GPR158: variants seen among roughly 807,000 people sequenced by gnomAD.
GPR158 encodes the protein metabotropic glycine receptor.
A neutral mutation model predicts 78.2 loss-of-function variants in GPR158; 30 were observed. That is an observed-to-expected ratio of 0.38 (90% CI 0.29 to 0.52). The LOEUF (loss-of-function observed/expected upper bound fraction) is 0.52, where lower values mean the gene tolerates loss of function less well. Among genes scored for constraint, GPR158 ranks in the 20% least tolerant of loss-of-function variants. The pLI, the probability that GPR158 is intolerant of heterozygous loss-of-function variation, is 0.83. For missense variants in GPR158, 1,463 were observed against 1,523.5 expected (o/e 0.96, Z 0.66); for synonymous variants, 581 against 591.1 (o/e 0.98, Z 0.25).
intron 2 of GPR158, among the ~76,000 whole-genome samples, chr10:25,268,748 A>G (rs1854075869): frequency 6.6e-6 from 1 of 152,168 alleles, no homozygotes; most frequent in East Asian, 1.9e-4. Flanking sequence ...TAGAGTAATC[A>G]TGCAGTAACC....
chr10:25,469,928 C>T (rs1279626662), intron 5 of GPR158, among the ~76,000 whole-genome samples: 2 of 151,558 alleles, frequency 1.3e-5, no homozygotes, highest in South Asian at 2.1e-4. Flanking sequence ...TTCTTCCATG[C>T]TAGCCGCCTA....
intron 1 of GPR158, among the ~76,000 whole-genome samples, chr10:25,203,466 A>C (rs1035500809): frequency 3.3e-5 from 5 of 152,004 alleles, no homozygotes; most frequent in Non-Finnish European, 7.3e-5. Flanking sequence ...TCAGCTTTCT[A>C]CATATGGCTA....
intron 2 of GPR158, among the ~76,000 whole-genome samples, chr10:25,261,522 T>C (rs11014475): frequency 0.033 from 4,972 of 152,246 alleles, 283 homozygotes; most frequent in African/African-American, 0.11. Flanking sequence ...GAGAAATTTT[T>C]AGTGCAAAGT....
In GPR158 at chr10:25,188,536, G is replaced by T. The variant is rs557078592; in HGVS notation, c.902+12214G>T. Reference sequence around the variant, plus strand: ...TGACAAAAACAACAAATGGGTAAAGGATTCCCTATTTATTAAATGGTGCTG... The same window carrying T: ...TGACAAAAACAACAAATGGGTAAAGTATTCCCTATTTATTAAATGGTGCTG... On this transcript the variant is annotated intron_variant, in intron 1 of 10. Coordinates refer to ENST00000376351, the MANE Select transcript of GPR158 (RefSeq NM_020752.3). 2.6e-5 allele frequency among the ~76,000 whole-genome samples: 4 copies of T among 152,270 alleles called. 1 individual carries two copies. In the East Asian group the frequency reaches 7.7e-4, roughly 29 times the overall value.
At chr10:25,332,865 T>C (rs945834488) in intron 2 of GPR158, among the ~76,000 whole-genome samples, 1 of 152,182 alleles carries the variant, frequency 6.6e-6, no homozygotes, top group Non-Finnish European at 1.5e-5. Flanking sequence ...TATAAATGGC[T>C]TCAATATACT....
chr10:25,245,176 T>C (rs546850428), intron 2 of GPR158, among the ~76,000 whole-genome samples: 1 of 152,358 alleles, frequency 6.6e-6, no homozygotes, highest in South Asian at 2.1e-4. Flanking sequence ...CTCAAAGGAA[T>C]GCCAGTTCAC....
rs900785879 is a variant in GPR158 at position 25,175,169 on chromosome 10, C to G, written c.-252C>G. Reference sequence around the variant, plus strand: ...CCGCTCGGCTCCAGGCTGCGAGGTGCGTAATCCCCAGCCGGCCCCTCGCGC... The same window carrying G: ...CCGCTCGGCTCCAGGCTGCGAGGTGGGTAATCCCCAGCCGGCCCCTCGCGC... On this transcript the variant is annotated 5_prime_UTR_variant, in exon 1 of 11. Coordinates refer to ENST00000376351, the MANE Select transcript of GPR158 (RefSeq NM_020752.3). This position sits in a 1 kb window ranked among gnomAD's most constrained non-coding sequence, Gnocchi z 6.4. 15 of 436,350 alleles carry G rather than the reference C, an allele frequency of 3.4e-5. No homozygotes were observed. Among genetic ancestry groups the G allele is most frequent in the Middle Eastern group, 6.1e-4 (1 of 1,636 alleles). 27.0% of individuals were successfully genotyped at this position (436,350 alleles called of 1,614,324 possible).
chr10:25,509,280 T>C (rs573552996), intron 5 of GPR158, among the ~76,000 whole-genome samples: 4 of 152,176 alleles, frequency 2.6e-5, no homozygotes, highest in Non-Finnish European at 5.9e-5. Context: ...GGGCAATATA[T>C]AGAGTAAGTG....
At chr10:25,436,436 T>A (rs896104605) in intron 4 of GPR158, among the ~76,000 whole-genome samples, 1 of 152,262 alleles carries the variant, frequency 6.6e-6, no homozygotes, top group Admixed American at 6.5e-5. Flanking sequence ...CAAGAATGAA[T>A]GAGACCATCT....
chr10:25,363,576 CTGGGAAAGATTTTATAA>C (rs1252801490), intron 2 of GPR158, among the ~76,000 whole-genome samples: 1 of 151,828 alleles, frequency 6.6e-6, no homozygotes, highest in African/African-American at 2.4e-5. Context: ...GAGCTGGTGG[CTGGGAAAGATTTTATAA>C]TCATAGAGTA....
chr10:25,553,968 AG>A (rs764268858), intron 6 of GPR158, among the ~76,000 whole-genome samples: 1 of 152,198 alleles, frequency 6.6e-6, no homozygotes, highest in East Asian at 1.9e-4. Context: ...TATGTCAAGT[AG>A]GGTTTTTTGG....
intron 2 of GPR158, among the ~76,000 whole-genome samples, chr10:25,325,412 T>G (rs1392330477): frequency 6.6e-6 from 1 of 151,958 alleles, no homozygotes; most frequent in Admixed American, 6.6e-5. Context: ...ATAGTATTCA[T>G]GTATATGTGT....
intron 4 of GPR158, among the ~76,000 whole-genome samples, chr10:25,435,348 A>G (rs11014553): frequency 0.12 from 17,591 of 152,210 alleles, 1,047 homozygotes; most frequent in East Asian, 0.17. Context: ...GGGAGAATCT[A>G]TTTAAATGAG....
At chr10:25,514,229 T>A (rs1353595192) in intron 5 of GPR158, among the ~76,000 whole-genome samples, 4 of 152,168 alleles carry the variant, frequency 2.6e-5, no homozygotes, top group Non-Finnish European at 5.9e-5. Flanking sequence ...TATTTTCCCG[T>A]TGGACACTTT....
intron 7 of GPR158, among the ~76,000 whole-genome samples, chr10:25,587,596 G>T (rs576207735): frequency 6.2e-4 from 94 of 152,226 alleles, no homozygotes; most frequent in African/African-American, 2.2e-3. Flanking sequence ...AAATCTCAGA[G>T]TTACCCGATT....
At chr10:25,212,856 T>G (rs1340379399) in intron 1 of GPR158, among the ~76,000 whole-genome samples, 1 of 152,128 alleles carries the variant, frequency 6.6e-6, no homozygotes, top group Admixed American at 6.6e-5. Flanking sequence ...GGTCTCGAAC[T>G]CCTGACCTTG....
intron 4 of GPR158, among the ~76,000 whole-genome samples, chr10:25,419,460 A>T (rs4747519): frequency 0.25 from 37,491 of 152,124 alleles, 5,170 homozygotes; most frequent in African/African-American, 0.37. Flanking sequence ...GTGAACATTC[A>T]TGTACAAGTG....
intron 2 of GPR158, among the ~76,000 whole-genome samples, chr10:25,258,237 G>A (rs1853917111): frequency 6.6e-6 from 1 of 152,132 alleles, no homozygotes; most frequent in South Asian, 2.1e-4. Flanking sequence ...AAGCATGCAT[G>A]CATACCTTCT....
chr10:25,553,152 TTAAA>T (rs1416587264), intron 6 of GPR158, among the ~76,000 whole-genome samples: 3 of 152,170 alleles, frequency 2.0e-5, no homozygotes, highest in African/African-American at 7.2e-5. Flanking sequence ...AAAGCTTCCT[TTAAA>T]TATTTTAAAA....
Sources: gnomAD v4.1 joint callset for allele counts (sites outside exome capture counted in the v4.1 genomes callset) on GRCh38, gnomAD v4.1.1 for gene constraint, Gnocchi (gnomAD v3.1) non-coding constraint, MANE v1.5 for transcripts, NCBI Gene and HGNC (gene_info 2026-07-23, HGNC 2026-07-21) for gene names.